EYS: variants seen among roughly 807,000 people sequenced by gnomAD.
The protein encoded by EYS is EGF-like photoreceptor maintenance factor, also known as protein eyes shut homolog.
Under a neutral mutation model 282.1 loss-of-function variants are expected in EYS, and 250 were observed. The ratio of observed to expected loss-of-function variants is 0.89; its 90% CI spans 0.80 to 0.98. EYS has a LOEUF of 0.98. EYS is among the 50% of genes least tolerant of loss of function. EYS has a pLI of 0.00. For synonymous variants in EYS, 1,355 were observed against 1,282.9 expected, an observed-to-expected ratio of 1.06 and a Z score of -1.20; for missense variants, 4,016 against 3,709.0, an observed-to-expected ratio of 1.08 and a Z score of -2.15.
intron 14 of EYS, among the ~76,000 whole-genome samples, chr6:64,957,669 A>G (rs908180386): frequency 6.6e-6 from 1 of 152,206 alleles, no homozygotes; most frequent in Middle Eastern, 3.2e-3. Flanking sequence ...TGATTTGATT[A>G]TTTCACATTG....
chr6:65,607,394 G>A (rs1462694398), intron 2 of EYS, among the ~76,000 whole-genome samples: 2 of 151,538 alleles, frequency 1.3e-5, no homozygotes, highest in East Asian at 3.9e-4. Flanking sequence ...TTTACCCTTT[G>A]TGCTCTTGAC....
intron 35 of EYS, among the ~76,000 whole-genome samples, chr6:63,934,519 T>A (rs1189985046): frequency 3.3e-5 from 5 of 151,958 alleles, no homozygotes; most frequent in Admixed American, 6.6e-5. Context: ...ACAATGATAG[T>A]CTGGATTAAG....
chr6:65,042,696 T>A (rs1015981688), intron 13 of EYS, among the ~76,000 whole-genome samples: 1 of 151,428 alleles, frequency 6.6e-6, no homozygotes, highest in Non-Finnish European at 1.5e-5. Flanking sequence ...AACAGTTGCA[T>A]GTGTTTTAAA....
chr6:64,125,785 CAAAAA>C lies in EYS; in HGVS notation c.6425-43788_6425-43784del, dbSNP rs920132590. Among the ~76,000 whole-genome samples the C allele has an allele frequency of 4.8e-4, 24 of 50,016 alleles. 1 individual carries two copies. The highest frequency in any genetic ancestry group is 1.5e-3 in the African/African-American group (23 of 15,816). The allele number at this position is 50,016 out of a possible 152,430, so 32.8% of individuals were successfully genotyped here. ...TGGGCGACAGAGCAAGACTCCGTCT[CAAAAA>C]AAAAAAAAAAAAAAAAAAAGTTGTC... On this transcript the variant is annotated intron_variant, in intron 31 of 42. Transcript: ENST00000503581.
At position 65,495,278 on chromosome 6, in the gene EYS, G is replaced by T; in HGVS notation, c.133C>A (p.Leu45Ile). The change falls in exon 4 of 43, where the codon CTA (leucine) becomes ATA (isoleucine). Residue 45 changes from leucine (L) to isoleucine (I), a missense_variant. Leu to Ile is a conservative substitution (Grantham distance 5, BLOSUM62 2). Transcript: ENST00000503581. ...AAGTCCAAGCAGATGTTTTCTGTTA[G>T]TGTCCAATTTACCACATATGATGAG... ...QPSSYVVNWT[L>I]TENICLDFYR... The T allele has an allele frequency of 6.2e-7, 1 of 1,614,144 alleles. No homozygotes were observed. Among genetic ancestry groups the T allele is most frequent in the Non-Finnish European group, 8.5e-7 (1 of 1,180,022 alleles).
intron 30 of EYS, among the ~76,000 whole-genome samples, chr6:64,270,161 T>A (rs1386051388): frequency 6.6e-6 from 1 of 152,142 alleles, no homozygotes; most frequent in African/African-American, 2.4e-5. Flanking sequence ...CAACCATTTT[T>A]AAAATGAATA....
At chr6:64,624,626 T>G (rs1767546254) in intron 23 of EYS, among the ~76,000 whole-genome samples, 2 of 152,178 alleles carry the variant, frequency 1.3e-5, no homozygotes, top group Admixed American at 1.3e-4. Context: ...AAATAAAACC[T>G]AGTACTAGTA....
Position 64,016,446 on chromosome 6 carries a change from G to T in EYS, c.6726-17263C>A, listed in dbSNP as rs138222751. Among the ~76,000 whole-genome samples the T allele has an allele frequency of 2.2e-3, 333 of 151,656 alleles. 2 individuals are homozygous for T. Among genetic ancestry groups the T allele is most frequent in the African/African-American group, 7.7e-3 (319 of 41,336 alleles). ...CTGGGTTATAAACCTGTACGTTGTA[G>T]CTCCAGAATCTATGCTATTGGCTGC... is the stretch of plus-strand genomic sequence containing the variant. On this transcript the variant is annotated intron_variant, in intron 33 of 42. Transcript: ENST00000503581.
intron 26 of EYS, among the ~76,000 whole-genome samples, chr6:64,452,859 C>G (rs1775409844): frequency 6.6e-6 from 1 of 152,078 alleles, no homozygotes; most frequent in Non-Finnish European, 1.5e-5. Context: ...AAAATTAATT[C>G]AAGATGGATT....
At chr6:64,095,851 G>A (rs1309090719) in intron 31 of EYS, among the ~76,000 whole-genome samples, 6 of 152,098 alleles carry the variant, frequency 3.9e-5, no homozygotes, top group Admixed American at 6.5e-5. Context: ...TCCTAGCCTC[G>A]ATGGTCTTTA....
At chr6:65,261,952 T>C (rs1330878531) in intron 12 of EYS, among the ~76,000 whole-genome samples, 2 of 151,734 alleles carry the variant, frequency 1.3e-5, no homozygotes, top group African/African-American at 4.8e-5. Context: ...ATTATATTTA[T>C]GGACACGTTC....
At chr6:65,623,869 G>C (rs890346419) in intron 2 of EYS, among the ~76,000 whole-genome samples, 2 of 152,164 alleles carry the variant, frequency 1.3e-5, no homozygotes, top group Non-Finnish European at 2.9e-5. Context: ...GTATAACCTA[G>C]CATAACTCAC....
chr6:65,263,451 A>G (rs1767670660), intron 12 of EYS, among the ~76,000 whole-genome samples: 1 of 152,140 alleles, frequency 6.6e-6, no homozygotes, highest in Admixed American at 6.6e-5. Context: ...AATATGATAA[A>G]GTGTTATTAC....
intron 35 of EYS, among the ~76,000 whole-genome samples, chr6:63,881,928 T>C (rs556579359): frequency 1.3e-5 from 2 of 152,206 alleles, no homozygotes; most frequent in Non-Finnish European, 2.9e-5. Flanking sequence ...CCTTGAGACT[T>C]AGACAAGTTG....
chr6:64,655,476 T>G lies in EYS; in HGVS notation c.3444-29231A>C, dbSNP rs535343293. On this transcript the variant is annotated intron_variant, in intron 22 of 42. Coordinates refer to ENST00000503581, the MANE Select transcript of EYS (RefSeq NM_001142800.2). ...TATATATTTGAGTCTTCTTAAGATC[T>G]ATCATTTTAGCCCTTCATTGTGGAG... Among the ~76,000 whole-genome samples the G allele has an allele frequency of 1.4e-3, 212 of 152,166 alleles. 1 individual carries two copies. Among genetic ancestry groups the G allele is most frequent in the African/African-American group, 5.0e-3 (206 of 41,554 alleles).
At chr6:65,185,562 T>C (rs1055920969) in intron 12 of EYS, among the ~76,000 whole-genome samples, 1 of 151,884 alleles carries the variant, frequency 6.6e-6, no homozygotes, top group African/African-American at 2.4e-5. Flanking sequence ...CGATCATAAA[T>C]AAAGCAGCAT....
chr6:64,615,941 C>G (rs1767259779), intron 24 of EYS, among the ~76,000 whole-genome samples: 1 of 151,934 alleles, frequency 6.6e-6, no homozygotes. Flanking sequence ...CTAACATATA[C>G]TAATGTATTT....
At chr6:63,741,706 T>C (rs1255559624) in intron 41 of EYS, among the ~76,000 whole-genome samples, 1 of 152,200 alleles carries the variant, frequency 6.6e-6, no homozygotes, top group Non-Finnish European at 1.5e-5. Context: ...ATTTGTTAGA[T>C]CTGTTGTCAT....
intron 1 of EYS, among the ~76,000 whole-genome samples, chr6:65,698,329 G>T (rs922444523): frequency 3.3e-5 from 5 of 152,112 alleles, no homozygotes; most frequent in African/African-American, 1.2e-4. Flanking sequence ...TTGTCATAAT[G>T]CAGTACATTT....
Sources: allele counts gnomAD v4.1 joint callset (sites outside exome capture counted in the v4.1 genomes callset), GRCh38; gene constraint gnomAD v4.1.1; transcripts MANE v1.5; gene names NCBI Gene and HGNC (gene_info 2026-07-23, HGNC 2026-07-21).